ZMIZ1: variants seen among roughly 807,000 people sequenced by gnomAD.
ZMIZ1 encodes the protein zinc finger MIZ-type containing 1.
A neutral mutation model predicts 113.9 loss-of-function variants in ZMIZ1; 17 were observed. That is an observed-to-expected ratio of 0.15 (90% confidence interval 0.10 to 0.22). ZMIZ1 has a LOEUF of 0.22. Among genes scored for constraint, ZMIZ1 ranks in the 10% least tolerant of loss-of-function variants. ZMIZ1 has a pLI of 1.00. For synonymous variants in ZMIZ1, 607 were observed against 603.1 expected, an observed-to-expected ratio of 1.01 and a Z score of -0.09; for missense variants, 1,059 against 1,477.8, an observed-to-expected ratio of 0.72 and a Z score of 4.65.
intron 1 of ZMIZ1, among the ~76,000 whole-genome samples, chr10:79,115,158 T>C (rs1843967454): frequency 1.3e-5 from 2 of 152,154 alleles, no homozygotes; most frequent in Non-Finnish European, 2.9e-5. Context: ...TCTGCTTGCA[T>C]GCCTCTGGGA....
chr10:79,211,438 A>G (rs1249893393), intron 6 of ZMIZ1, among the ~76,000 whole-genome samples: 1 of 151,896 alleles, frequency 6.6e-6, no homozygotes, highest in Non-Finnish European at 1.5e-5. Flanking sequence ...CCCCACACAA[A>G]CGCACACACA....
intron 2 of ZMIZ1, among the ~76,000 whole-genome samples, chr10:79,125,549 C>G (rs1844477204): frequency 1.3e-5 from 2 of 152,184 alleles, no homozygotes; most frequent in South Asian, 4.1e-4. Flanking sequence ...CCCACTGGCT[C>G]TTTTTGAGCT....
intron 3 of ZMIZ1, among the ~76,000 whole-genome samples, chr10:79,155,083 A>C (rs1564685052): frequency 6.6e-6 from 1 of 152,202 alleles, no homozygotes; most frequent in Non-Finnish European, 1.5e-5. Flanking sequence ...GCAGCTAAGT[A>C]AGTGTCAGAG....
chr10:79,125,934 G>T (rs1342391335), intron 2 of ZMIZ1, among the ~76,000 whole-genome samples: 5 of 152,178 alleles, frequency 3.3e-5, no homozygotes. Flanking sequence ...GGCTGGCAGG[G>T]GCAGGGACCA....
chr10:79,131,059 C>T (rs1447094010), intron 2 of ZMIZ1, among the ~76,000 whole-genome samples: 1 of 152,226 alleles, frequency 6.6e-6, no homozygotes, highest in Non-Finnish European at 1.5e-5. Context: ...CCTAATCCAC[C>T]CCATTGCCAT....
intron 1 of ZMIZ1, among the ~76,000 whole-genome samples, chr10:79,102,055 C>T (rs547422613): frequency 6.6e-6 from 1 of 152,188 alleles, no homozygotes; most frequent in African/African-American, 2.4e-5. Context: ...AACTCTGGCT[C>T]CTGCTCTCAA....
At chr10:79,249,853 CG>C (rs1174208081) in intron 7 of ZMIZ1, among the ~76,000 whole-genome samples, 10 of 152,134 alleles carry the variant, frequency 6.6e-5, no homozygotes, top group African/African-American at 2.4e-4. Context: ...CCCAACTACC[CG>C]GGGCTCTTAA....
chr10:79,145,651 T>C (rs1845448684), intron 3 of ZMIZ1, among the ~76,000 whole-genome samples: 1 of 152,188 alleles, frequency 6.6e-6, no homozygotes, highest in South Asian at 2.1e-4. Context: ...CATGGAGTTA[T>C]TGTGAGAAGT....
intron 2 of ZMIZ1, among the ~76,000 whole-genome samples, chr10:79,132,857 T>G (rs553128008): frequency 4.6e-5 from 7 of 152,270 alleles, no homozygotes; most frequent in African/African-American, 1.2e-4. Flanking sequence ...CCCACTTCCC[T>G]TTTTTCTCCC....
intron 4 of ZMIZ1, among the ~76,000 whole-genome samples, chr10:79,188,799 A>G (rs1787570511): frequency 1.3e-5 from 2 of 152,174 alleles, no homozygotes; most frequent in Non-Finnish European, 2.9e-5. Flanking sequence ...TTTAGTGAAA[A>G]AAGCATTTTT....
At chr10:79,126,536 C>T (rs1310764737) in intron 2 of ZMIZ1, among the ~76,000 whole-genome samples, 1 of 152,188 alleles carries the variant, frequency 6.6e-6, no homozygotes, top group Non-Finnish European at 1.5e-5. Flanking sequence ...AACAGCTGGG[C>T]CAAGACCCTG....
chr10:79,162,745 C>T (rs1479817300), intron 4 of ZMIZ1, among the ~76,000 whole-genome samples: 1 of 152,176 alleles, frequency 6.6e-6, no homozygotes, highest in African/African-American at 2.4e-5. Context: ...ACATGTCAGT[C>T]CTTTTCCTCA....
rs560418936 is a variant in ZMIZ1 at position 79,093,128 on chromosome 10, C to A, written c.-337+23858C>A. The stretch of plus-strand genomic sequence containing the variant: ...TTATTATTCTTTCTACCACCCCCCC[C>A]ACCCCCAACACACACACACACACAC... On this transcript the variant is annotated intron_variant, in intron 1 of 24. Transcript: ENST00000334512. 3.4e-5 allele frequency among the ~76,000 whole-genome samples: 4 copies of A among 117,746 alleles called. No homozygotes were observed. In the East Asian group the frequency reaches 1.0e-3, roughly 30 times the overall value. The allele number at this position is 117,746 out of a possible 152,430, so 77.2% of individuals were successfully genotyped here.
chr10:79,172,075 G>C (rs1044933475), intron 4 of ZMIZ1, among the ~76,000 whole-genome samples: 32 of 152,246 alleles, frequency 2.1e-4, no homozygotes, highest in African/African-American at 7.7e-4. Flanking sequence ...GAAGCAGCAG[G>C]GATGAGGAGA....
chr10:79,094,679 T>A (rs1246911104), intron 1 of ZMIZ1, among the ~76,000 whole-genome samples: 1 of 152,232 alleles, frequency 6.6e-6, no homozygotes, highest in Non-Finnish European at 1.5e-5. Context: ...AGGTGCACAG[T>A]GGCTCACGCC....
At chr10:79,209,896 G>T (rs1457629804) in intron 6 of ZMIZ1, among the ~76,000 whole-genome samples, 1 of 152,228 alleles carries the variant, frequency 6.6e-6, no homozygotes, top group Admixed American at 6.5e-5. Context: ...GGCCATTAGG[G>T]ATGCCAGACA....
chr10:79,146,968 G>T (rs1408066402), intron 3 of ZMIZ1, among the ~76,000 whole-genome samples: 2 of 134,200 alleles, frequency 1.5e-5, no homozygotes, highest in Non-Finnish European at 3.4e-5. Flanking sequence ...GTGTGTGTGT[G>T]TGTGTATATC....
At chr10:79,169,233 C>T (rs758755740) in intron 4 of ZMIZ1, among the ~76,000 whole-genome samples, 16 of 152,226 alleles carry the variant, frequency 1.1e-4, no homozygotes, top group Non-Finnish European at 2.4e-4. Flanking sequence ...CCTGGCCTCA[C>T]CCAGACTTCC....
At chr10:79,220,181 T>A (rs947631376) in intron 7 of ZMIZ1, among the ~76,000 whole-genome samples, 2 of 152,090 alleles carry the variant, frequency 1.3e-5, no homozygotes, top group African/African-American at 4.8e-5. Flanking sequence ...GGGCTGCCTG[T>A]GAGGATGCAG....
Sources: gnomAD v4.1 joint callset for allele counts (sites outside exome capture counted in the v4.1 genomes callset) on GRCh38, gnomAD v4.1.1 for gene constraint, MANE v1.5 for transcripts, NCBI Gene and HGNC (gene_info 2026-07-23, HGNC 2026-07-21) for gene names.